Variants in RPSA2 observed in about 807,000 individuals in gnomAD.
RPSA2 encodes small ribosomal subunit protein uS2B.
At chr19:23,779,786 C>T in the RPSA2 span, among the ~76,000 whole-genome samples, 1 of 152,168 alleles carries the variant, frequency 6.6e-6, no homozygotes, top group African/African-American at 2.4e-5. Context: ...TCTATCTGCA[C>T]CCTGCCCACA....
At chr19:23,834,065 T>C in the RPSA2 span, among the ~76,000 whole-genome samples, 2 of 152,112 alleles carry the variant, frequency 1.3e-5, no homozygotes, top group African/African-American at 2.4e-5. Flanking sequence ...AAATTGTCTA[T>C]GTAAATATCA....
At chr19:23,767,055 C>A in the RPSA2 span, among the ~76,000 whole-genome samples, 3 of 152,044 alleles carry the variant, frequency 2.0e-5, no homozygotes, top group Non-Finnish European at 2.9e-5. Flanking sequence ...CGGTTTCAAA[C>A]CATTCTCCTG....
At chr19:23,848,550 T>G in the RPSA2 span, among the ~76,000 whole-genome samples, 2 of 152,194 alleles carry the variant, frequency 1.3e-5, no homozygotes, top group African/African-American at 4.8e-5. Flanking sequence ...CTTCAAAAAT[T>G]TGTTTCTTTA....
the RPSA2 span, among the ~76,000 whole-genome samples, chr19:23,795,354 C>T: frequency 1.8e-4 from 27 of 151,982 alleles, no homozygotes; most frequent in East Asian, 3.1e-3. Flanking sequence ...CTTCTTTAAG[C>T]GTTGTTTTGT....
the RPSA2 span, among the ~76,000 whole-genome samples, chr19:23,804,352 G>C: frequency 5.0e-3 from 741 of 147,202 alleles, 5 homozygotes; most frequent in Non-Finnish European, 8.0e-3. Context: ...GCTGGAGTGC[G>C]GTGGCGCCAT....
the RPSA2 span, among the ~76,000 whole-genome samples, chr19:23,815,333 T>A: frequency 3.3e-5 from 5 of 152,324 alleles, no homozygotes; most frequent in South Asian, 1.0e-3. Context: ...TCCTTAATGT[T>A]GGATGTGAGA....
chr19:23,823,451 C>T, the RPSA2 span, among the ~76,000 whole-genome samples: 10 of 152,272 alleles, frequency 6.6e-5, no homozygotes, highest in South Asian at 4.2e-4. Context: ...TCTCTCAGAG[C>T]GCACAGTCTA....
the RPSA2 span, among the ~76,000 whole-genome samples, chr19:23,789,923 TGG>T: frequency 6.6e-4 from 101 of 152,208 alleles, no homozygotes; most frequent in African/African-American, 2.1e-3. Flanking sequence ...GGTGATCTGC[TGG>T]CCTCAGGCTT....
chr19:23,770,466 T>C, the RPSA2 span, among the ~76,000 whole-genome samples: 1 of 152,256 alleles, frequency 6.6e-6, no homozygotes, highest in Non-Finnish European at 1.5e-5. Context: ...TTATTTTTCT[T>C]GTTTCTGGCA....
the RPSA2 span, among the ~76,000 whole-genome samples, chr19:23,785,791 C>G: frequency 7.2e-5 from 11 of 152,290 alleles, no homozygotes; most frequent in Non-Finnish European, 1.5e-4. Context: ...TCTCATACCT[C>G]AAACCATCTA....
chr19:23,855,652 T>C, the RPSA2 span, among the ~76,000 whole-genome samples: 2 of 152,036 alleles, frequency 1.3e-5, no homozygotes, highest in East Asian at 3.9e-4. Flanking sequence ...GAAGTCAGAC[T>C]GGTATGAGAG....
At chr19:23,780,155 TA>T in the RPSA2 span, among the ~76,000 whole-genome samples, 1 of 152,092 alleles carries the variant, frequency 6.6e-6, no homozygotes, top group African/African-American at 2.4e-5. Context: ...GTATGAAGGT[TA>T]TAGAGAATTA....
chr19:23,867,459 G>A, the RPSA2 span, among the ~76,000 whole-genome samples: 1 of 152,190 alleles, frequency 6.6e-6, no homozygotes, highest in Non-Finnish European at 1.5e-5. Context: ...AAAGGACATG[G>A]AATATCAGAG....
chr19:23,802,619 T>TTGG, the RPSA2 span, among the ~76,000 whole-genome samples: 1 of 152,210 alleles, frequency 6.6e-6, no homozygotes, highest in African/African-American at 2.4e-5. Context: ...ATGTCTTTGG[T>TTGG]TGGTACCCAG....
chr19:23,805,209 G>C, the RPSA2 span, among the ~76,000 whole-genome samples: 1 of 151,362 alleles, frequency 6.6e-6, no homozygotes, highest in Non-Finnish European at 1.5e-5. Flanking sequence ...TTGTTGCCCA[G>C]GCTGGAGTGC....
At chr19:23,860,162 T>C in the RPSA2 span, among the ~76,000 whole-genome samples, 1 of 152,166 alleles carries the variant, frequency 6.6e-6, no homozygotes, top group Non-Finnish European at 1.5e-5. Context: ...TGCAAAACAT[T>C]TGATGGCTCA....
At chr19:23,789,236 G>C in the RPSA2 span, among the ~76,000 whole-genome samples, 1 of 151,972 alleles carries the variant, frequency 6.6e-6, no homozygotes, top group Non-Finnish European at 1.5e-5. Context: ...CCTGACCTCA[G>C]TTGATCCACT....
At chr19:23,817,147 C>T in the RPSA2 span, among the ~76,000 whole-genome samples, 2 of 152,062 alleles carry the variant, frequency 1.3e-5, no homozygotes, top group African/African-American at 2.4e-5. Flanking sequence ...TTTGGGAGGC[C>T]GAGGTGGGCG....
the RPSA2 span, among the ~76,000 whole-genome samples, chr19:23,799,655 C>CAG: frequency 8.2e-4 from 1 of 1,224 alleles, no homozygotes; most frequent in Admixed American, 0.031. Flanking sequence ...ACTGTAACCC[C>CAG]GTCCTCAGGG....
Sources: gnomAD v4.1 joint callset for allele counts (sites outside exome capture counted in the v4.1 genomes callset) on GRCh38, gnomAD v4.1.1 for gene constraint, MANE v1.5 for transcripts, NCBI Gene and HGNC (gene_info 2026-07-23, HGNC 2026-07-21) for gene names.